Variants in LPP observed in about 807,000 individuals in gnomAD.
LPP encodes LIM domain containing preferred translocation partner in lipoma, also known as lipoma-preferred partner.
Under a neutral mutation model 60.4 loss-of-function variants are expected in LPP, and 38 were observed. The observed-to-expected ratio is 0.63, with a 90% confidence interval of 0.49 to 0.83. The LOEUF is 0.83. Ranked by LOEUF, LPP falls within the 40% of genes least tolerant of loss-of-function variation. The probability of loss-of-function intolerance (pLI) is 0.00; values close to 1 mark genes in which losing one functional copy is unlikely to be tolerated. For synonymous variants in LPP, 328 were observed against 290.8 expected, an observed-to-expected ratio of 1.13 and a Z score of -1.30; for missense variants, 902 against 783.6, an observed-to-expected ratio of 1.15 and a Z score of -1.80.
chr3:188,415,829 G>A (rs140430073), intron 4 of LPP, among the ~76,000 whole-genome samples: 1 of 152,218 alleles, frequency 6.6e-6, no homozygotes, highest in African/African-American at 2.4e-5. Flanking sequence ...AAGAGTCTTT[G>A]TATGGGTGGA....
chr3:188,683,422 A>C (rs1421142183), intron 7 of LPP, among the ~76,000 whole-genome samples: 2 of 152,108 alleles, frequency 1.3e-5, no homozygotes, highest in Non-Finnish European at 2.9e-5. Context: ...CCTCCTGTAC[A>C]TGGTTTGCTG....
intron 4 of LPP, among the ~76,000 whole-genome samples, chr3:188,422,913 T>TTGTGTGTGTGTGTGTGTGTG (rs10689970): frequency 7.5e-6 from 1 of 133,806 alleles, no homozygotes; most frequent in African/African-American, 2.9e-5. Flanking sequence ...GGTGTCTTCT[T>TTGTGTGTGTGTGTGTGTGTG]TGTGTGTGTG....
At chr3:188,798,092 T>A (rs1745911917) in intron 9 of LPP, among the ~76,000 whole-genome samples, 1 of 90,246 alleles carries the variant, frequency 1.1e-5, no homozygotes, top group Admixed American at 1.2e-4. Context: ...CCTTCATACA[T>A]TTGTATGTCT....
At chr3:188,860,407 C>A (rs930984912) in intron 9 of LPP, among the ~76,000 whole-genome samples, 5 of 152,046 alleles carry the variant, frequency 3.3e-5, no homozygotes, top group African/African-American at 4.8e-5. Context: ...ACTTCCCAAC[C>A]TTTTTCACAT....
chr3:188,681,216 G>A (rs1439132276), intron 7 of LPP, among the ~76,000 whole-genome samples: 3 of 152,162 alleles, frequency 2.0e-5, no homozygotes, highest in Admixed American at 1.3e-4. Flanking sequence ...GGATGGTCTC[G>A]ATCTCTTGAC....
At chr3:188,831,918 G>A (rs1757237291) in intron 9 of LPP, among the ~76,000 whole-genome samples, 1 of 152,196 alleles carries the variant, frequency 6.6e-6, no homozygotes, top group Non-Finnish European at 1.5e-5. Flanking sequence ...ATAAAGATGT[G>A]CTATATATGT....
At chr3:188,542,128 T>C (rs1426120655) in intron 6 of LPP, among the ~76,000 whole-genome samples, 1 of 152,228 alleles carries the variant, frequency 6.6e-6, no homozygotes, top group East Asian at 1.9e-4. Flanking sequence ...AAAACTAGAA[T>C]TCCGAATTCA....
At chr3:188,765,832 A>G (rs1187845295) in intron 9 of LPP, among the ~76,000 whole-genome samples, 1 of 140,564 alleles carries the variant, frequency 7.1e-6, no homozygotes, top group African/African-American at 2.7e-5. Flanking sequence ...TTGCACCACC[A>G]CGTGCAACGT....
At chr3:188,611,284 C>T (rs1302138201) in intron 7 of LPP, among the ~76,000 whole-genome samples, 2 of 152,166 alleles carry the variant, frequency 1.3e-5, no homozygotes, top group African/African-American at 4.8e-5. Flanking sequence ...TTAAACATGA[C>T]TCAGTTTCTT....
At position 188,874,668 on chromosome 3, in the gene LPP, C is replaced by A; in HGVS notation, c.*189C>A. The A allele has an allele frequency of 1.6e-6, 1 of 609,380 alleles. No homozygotes were observed. The highest frequency in any genetic ancestry group is 2.7e-6 in the Non-Finnish European group (1 of 368,156). The allele number at this position is 609,380 out of a possible 1,614,324, so 37.7% of individuals were successfully genotyped here. A position where few individuals can be genotyped will look rare whatever the true frequency, so the allele number is the denominator to read the frequency against. On this transcript the variant is annotated 3_prime_UTR_variant, in exon 12 of 12. Transcript: ENST00000617246. ...ACCAAATACACATTTCACATTGAATCATGTAGGATCTTGATGGGCCTTTGT... is the reference window on the plus strand; with the variant it reads ...ACCAAATACACATTTCACATTGAATAATGTAGGATCTTGATGGGCCTTTGT...
chr3:188,386,727 A>C (rs2148629137), intron 3 of LPP, among the ~76,000 whole-genome samples: 1 of 152,306 alleles, frequency 6.6e-6, no homozygotes, highest in East Asian at 1.9e-4. Context: ...TGAAATTGTG[A>C]GGAAGGACAT....
At chr3:188,743,447 T>C (rs894235839) in intron 8 of LPP, among the ~76,000 whole-genome samples, 4 of 151,822 alleles carry the variant, frequency 2.6e-5, no homozygotes. Flanking sequence ...AGCAAAAGTG[T>C]ACAGACATAC....
At chr3:188,853,766 A>G (rs1763201928) in intron 9 of LPP, among the ~76,000 whole-genome samples, 1 of 152,174 alleles carries the variant, frequency 6.6e-6, no homozygotes, top group African/African-American at 2.4e-5. Context: ...ATCTCTGTTA[A>G]AGTTGCTTCC....
At chr3:188,584,546 CGTGTGTGTGTGTGT>C (rs35156006) in intron 6 of LPP, 4 of 147,310 alleles carry the variant, frequency 2.7e-5, no homozygotes, top group East Asian at 2.0e-4. Context: ...TAATTTTAGT[CGTGTGTGTGTGTGT>C]GTGTGTGTGT....
chr3:188,660,170 C>A lies in LPP; in HGVS notation c.1114-48097C>A, dbSNP rs150853566. ...GTTTTACATTCTCTCCTTACTTTTGCCTTGGTTCTCCTGATGTGTGAAAAT... is the reference window on the plus strand; with the variant it reads ...GTTTTACATTCTCTCCTTACTTTTGACTTGGTTCTCCTGATGTGTGAAAAT... On this transcript the variant is annotated intron_variant, in intron 7 of 11. Coordinates refer to ENST00000617246, the MANE Select transcript of LPP (RefSeq NM_001375462.1). 4.1e-4 allele frequency among the ~76,000 whole-genome samples: 62 copies of A among 152,194 alleles called. 1 individual carries two copies. The East Asian group carries it at 0.01, about 25-fold the overall frequency.
intron 4 of LPP, among the ~76,000 whole-genome samples, chr3:188,441,599 C>CTTTTTT (rs1299279527): frequency 1.3e-5 from 1 of 75,056 alleles, no homozygotes; most frequent in Admixed American, 1.3e-4. Flanking sequence ...TTCTTTTTTT[C>CTTTTTT]TTTTCTTTTC....
chr3:188,682,840 G>A (rs1352633990), intron 7 of LPP, among the ~76,000 whole-genome samples: 1 of 152,140 alleles, frequency 6.6e-6, no homozygotes, highest in African/African-American at 2.4e-5. Context: ...ATGAGACAGA[G>A]AAGGGCAACT....
intron 7 of LPP, chr3:188,688,843 G>T (rs368910045): frequency 1.9e-6 from 1 of 524,722 alleles, no homozygotes; most frequent in Non-Finnish European, 3.9e-6. Context: ...CCACTAGATT[G>T]TGAGCTCCTG....
At chr3:188,511,644 C>A (rs1815697912) in intron 5 of LPP, among the ~76,000 whole-genome samples, 1 of 152,038 alleles carries the variant, frequency 6.6e-6, no homozygotes, top group Non-Finnish European at 1.5e-5. Flanking sequence ...CCATTTACTG[C>A]CCGAGTAACC....
Sources: allele counts gnomAD v4.1 joint callset (sites outside exome capture counted in the v4.1 genomes callset), GRCh38; gene constraint gnomAD v4.1.1; transcripts MANE v1.5; gene names NCBI Gene and HGNC (gene_info 2026-07-23, HGNC 2026-07-21).